Variants in ZNF385D observed in about 807,000 individuals in gnomAD.
The protein encoded by ZNF385D is zinc finger protein 385D.
In ZNF385D, 15 loss-of-function variants were observed where a neutral mutation model predicts 35.8. That is an observed-to-expected ratio of 0.42 (90% CI 0.28 to 0.64). ZNF385D has a LOEUF of 0.64. Ranked by LOEUF, ZNF385D falls within the 30% of genes least tolerant of loss-of-function variation. The pLI, the probability that ZNF385D is intolerant of heterozygous loss-of-function variation, is 0.23. For missense variants in ZNF385D, 474 were observed against 494.6 expected (o/e 0.96, Z 0.39); for synonymous variants, 212 against 186.8 (o/e 1.13, Z -1.10).
At chr3:21,428,016 C>A (rs188772688) in intron 5 of ZNF385D, among the ~76,000 whole-genome samples, 159 of 152,120 alleles carry the variant, frequency 1.0e-3, no homozygotes, top group African/African-American at 3.7e-3. Context: ...AACAGTGTAA[C>A]CTCATACATT....
At chr3:21,806,602 G>A (rs1028778881) in intron 3 of ZNF385D, among the ~76,000 whole-genome samples, 7 of 152,154 alleles carry the variant, frequency 4.6e-5, no homozygotes, top group African/African-American at 1.4e-4. Flanking sequence ...TGTCATTCTA[G>A]AACTTCTTCC....
intron 3 of ZNF385D, among the ~76,000 whole-genome samples, chr3:21,998,561 C>G (rs527297165): frequency 6.6e-6 from 1 of 152,170 alleles, no homozygotes; most frequent in Admixed American, 6.5e-5. Context: ...TTGCAGATAT[C>G]TTTAACTATT....
At chr3:22,117,619 G>C (rs928317881) in intron 3 of ZNF385D, among the ~76,000 whole-genome samples, 1 of 151,230 alleles carries the variant, frequency 6.6e-6, no homozygotes, top group Admixed American at 6.6e-5. Flanking sequence ...CTTTAAATTA[G>C]ACTTAAATTG....
At chr3:22,178,339 T>A (rs1694976507) in intron 2 of ZNF385D, among the ~76,000 whole-genome samples, 1 of 152,242 alleles carries the variant, frequency 6.6e-6, no homozygotes, top group Non-Finnish European at 1.5e-5. Context: ...TGGCCAGTGA[T>A]GATAAGCATT....
chr3:21,671,438 T>A (rs1381517975), intron 1 of ZNF385D, among the ~76,000 whole-genome samples: 1 of 152,168 alleles, frequency 6.6e-6, no homozygotes, highest in East Asian at 1.9e-4. Context: ...GATAATTTAA[T>A]ATATCTATTC....
In ZNF385D at chr3:21,496,536, TATC is replaced by T. The variant is rs1471487035; in HGVS notation, c.439+14322_439+14324del. Among the ~76,000 whole-genome samples the T allele has an allele frequency of 1.5e-3, 148 of 97,086 alleles. 3 individuals are homozygous for T. The East Asian group carries it at 0.024, about 15-fold the overall frequency. 63.7% of individuals were successfully genotyped at this position (97,086 alleles called of 152,430 possible). A position where few individuals can be genotyped will look rare whatever the true frequency, so the allele number is the denominator to read the frequency against. ...TATATACACATATATTTGATATATA[TATC>T]ATATATATATACACACATATATTTG... On this transcript the variant is annotated intron_variant, in intron 4 of 7. Coordinates refer to ENST00000281523, the MANE Select transcript of ZNF385D (RefSeq NM_024697.3).
chr3:22,066,461 CGTGTGTGTGTGT>C (rs10627614), intron 3 of ZNF385D, among the ~76,000 whole-genome samples: 19 of 98,190 alleles, frequency 1.9e-4, no homozygotes, highest in Non-Finnish European at 2.6e-4. Context: ...GATGGTTCCC[CGTGTGTGTGTGT>C]GTGTGTGTGT....
At chr3:22,092,371 T>C (rs929376257) in intron 3 of ZNF385D, among the ~76,000 whole-genome samples, 1 of 152,176 alleles carries the variant, frequency 6.6e-6, no homozygotes, top group East Asian at 1.9e-4. Flanking sequence ...TCCAGCCACA[T>C]CCACAGCTTT....
At chr3:21,556,010 C>G (rs2062721532) in intron 3 of ZNF385D, among the ~76,000 whole-genome samples, 1 of 147,110 alleles carries the variant, frequency 6.8e-6, no homozygotes, top group Non-Finnish European at 1.5e-5. Flanking sequence ...TAAATGTCTT[C>G]TCTTAAGAAG....
chr3:21,961,561 A>G (rs1702594458), intron 3 of ZNF385D: 1 of 152,170 alleles, frequency 6.6e-6, no homozygotes, highest in Non-Finnish European at 1.5e-5. Flanking sequence ...AAATAAATTT[A>G]TTTCACATTT....
chr3:22,209,763 AT>A (rs10706996), intron 2 of ZNF385D, among the ~76,000 whole-genome samples: 91,382 of 142,656 alleles, frequency 0.64, 28,465 homozygotes, highest in East Asian at 0.91. Flanking sequence ...AAGAACAATC[AT>A]TTTTTTTTTC....
chr3:21,636,378 T>C (rs1293057330), intron 2 of ZNF385D, among the ~76,000 whole-genome samples: 6 of 47,982 alleles, frequency 1.3e-4, no homozygotes, highest in Admixed American at 1.0e-3. Context: ...ATATATATGA[T>C]TATATATATA....
intron 3 of ZNF385D, among the ~76,000 whole-genome samples, chr3:21,814,349 A>G (rs956636359): frequency 6.6e-6 from 1 of 152,226 alleles, no homozygotes; most frequent in Non-Finnish European, 1.5e-5. Context: ...ACACATAACA[A>G]TATTAACCTT....
intron 3 of ZNF385D, among the ~76,000 whole-genome samples, chr3:22,089,867 T>C (rs1463728611): frequency 6.6e-6 from 1 of 152,194 alleles, no homozygotes; most frequent in Non-Finnish European, 1.5e-5. Flanking sequence ...GATGGAGTCT[T>C]GCTCTGTGGT....
intron 2 of ZNF385D, among the ~76,000 whole-genome samples, chr3:22,208,143 T>A (rs1697276773): frequency 6.6e-6 from 1 of 151,998 alleles, no homozygotes; most frequent in Non-Finnish European, 1.5e-5. Context: ...GCTGCTCACA[T>A]TTATTGCAGC....
intron 3 of ZNF385D, among the ~76,000 whole-genome samples, chr3:21,762,729 G>A (rs546500268): frequency 1.3e-5 from 2 of 152,274 alleles, no homozygotes; most frequent in South Asian, 4.1e-4. Flanking sequence ...ACCCCTAGAG[G>A]TATCATCTCA....
intron 3 of ZNF385D, among the ~76,000 whole-genome samples, chr3:21,771,309 A>G (rs187320896): frequency 6.6e-6 from 1 of 151,936 alleles, no homozygotes; most frequent in Non-Finnish European, 1.5e-5. Flanking sequence ...GGCACAGCCT[A>G]AAACAATCAA....
At chr3:22,336,869 G>A (rs1695180015) in intron 2 of ZNF385D, among the ~76,000 whole-genome samples, 1 of 104,600 alleles carries the variant, frequency 9.6e-6, no homozygotes. Context: ...TAATGGTAAT[G>A]AATGACATCC....
At chr3:21,686,810 G>A (rs1468389626) in intron 1 of ZNF385D, among the ~76,000 whole-genome samples, 1 of 152,144 alleles carries the variant, frequency 6.6e-6, no homozygotes, top group Admixed American at 6.5e-5. Flanking sequence ...ATAGATTCAA[G>A]GTTTAATTGT....
Sources: gnomAD v4.1 joint callset for allele counts (sites outside exome capture counted in the v4.1 genomes callset) on GRCh38, gnomAD v4.1.1 for gene constraint, MANE v1.5 for transcripts, NCBI Gene and HGNC (gene_info 2026-07-23, HGNC 2026-07-21) for gene names.